EFEMP2: variants seen among roughly 807,000 people sequenced by gnomAD.
EFEMP2 encodes EGF-like fibulin extracellular matrix protein 2.
In EFEMP2, 21 loss-of-function variants were observed where a neutral mutation model predicts 55.3. The ratio of observed to expected loss-of-function variants is 0.38; its 90% CI spans 0.27 to 0.55. The LOEUF is 0.55. Ranked by LOEUF, EFEMP2 falls within the 20% of genes least tolerant of loss-of-function variation. The probability of loss-of-function intolerance (pLI) is 0.77; values close to 1 mark genes in which losing one functional copy is unlikely to be tolerated. For missense variants in EFEMP2, 513 were observed against 615.1 expected (o/e 0.83, Z 1.76); for synonymous variants, 275 against 242.3 (o/e 1.14, Z -1.25).
In EFEMP2 at chr11:65,867,850, A is replaced by G. The variant is rs934743703; in HGVS notation, c.1170+11T>C. ...ATTGTGCATGTCAGTTGAGGGTTGC[A>G]GAAACCTTACCCTAATGTAAAAGTC... On this transcript the variant is annotated intron_variant, in intron 10 of 10. Coordinates refer to ENST00000307998, the MANE Select transcript of EFEMP2 (RefSeq NM_016938.5). 4 of 1,613,910 alleles carry G rather than the reference A, an allele frequency of 2.5e-6. No homozygotes were observed. Among genetic ancestry groups the G allele is most frequent in the Non-Finnish European group, 3.4e-6 (4 of 1,179,892 alleles).
chr11:65,867,650 C>T, intron 10 of EFEMP2: 1 of 627,586 alleles, frequency 1.6e-6, no homozygotes, highest in Non-Finnish European at 2.8e-6. Flanking sequence ...TACCAGGACT[C>T]AAACTCCCGT....
Position 65,870,250 on chromosome 11 carries a change from G to T in EFEMP2, c.491-13C>A. On this transcript the variant is annotated splice_polypyrimidine_tract_variant and intron_variant, in intron 5 of 10. Transcript: ENST00000307998. ...CACTCGTCTATGTCTAGGGATAGAG[G>T]CAGGAGAAGGAGGGCGGAGGGCAGA... 1 of 1,612,024 alleles carries T rather than the reference G, an allele frequency of 6.2e-7. No individual in the cohort carries two copies. The highest frequency in any genetic ancestry group is 8.5e-7 in the Non-Finnish European group (1 of 1,179,074).
chr11:65,869,654 A>G, intron 7 of EFEMP2: 1 of 707,312 alleles, frequency 1.4e-6, no homozygotes, highest in Non-Finnish European at 2.4e-6. Flanking sequence ...AGGCTTCAGT[A>G]AGGACGTAGC....
At chr11:65,867,744 G>A (rs1458958433) in intron 10 of EFEMP2, 117 bp downstream of exon 10, 4 of 1,149,916 alleles carry the variant, frequency 3.5e-6, no homozygotes, top group African/African-American at 1.5e-5. Flanking sequence ...CCCCGCCTCC[G>A]GGGGCGGGGC....
At chr11:65,871,725 C>T (rs1357146756) in intron 3 of EFEMP2, 1 of 607,772 alleles carries the variant, frequency 1.6e-6, no homozygotes, top group Non-Finnish European at 2.9e-6. Flanking sequence ...TCAGAGAAGG[C>T]GTACAGGATC....
At chr11:65,872,202 C>T in intron 2 of EFEMP2, 42 bp downstream of exon 2, 1 of 1,533,962 alleles carries the variant, frequency 6.5e-7, no homozygotes, top group East Asian at 2.4e-5. Context: ...CTCTTCCTCC[C>T]TACCCTTCCT....
rs571136328 is a variant in EFEMP2 at position 65,869,420 on chromosome 11, G to T, written c.727+437C>A. ...GTCAGGGAATACACTACGAGGGCAG[G>T]TTCTCATTAAGTGGCAGTTCATTCA... On this transcript the variant is annotated intron_variant, in intron 7 of 10. Transcript: ENST00000307998. The T allele has an allele frequency of 6.7e-5, 18 of 268,744 alleles. No individual in the cohort carries two copies. The East Asian group carries it at 1.6e-3, about 24-fold the overall frequency. The allele number at this position is 268,744 out of a possible 1,614,324, so 16.6% of individuals were successfully genotyped here.
At chr11:65,867,489 GTCACTGTGAGCAGC>G (rs961226707) in intron 10 of EFEMP2, 8 of 429,834 alleles carry the variant, frequency 1.9e-5, no homozygotes, top group African/African-American at 1.0e-4. Flanking sequence ...GCGGCTGCCA[GTCACTGTGAGCAGC>G]TCACTGTGAG....
At chr11:65,871,907 G>C in intron 3 of EFEMP2, 63 bp downstream of exon 3, 1 of 1,543,520 alleles carries the variant, frequency 6.5e-7, no homozygotes, top group Non-Finnish European at 8.8e-7. Context: ...GCTGTCCCTT[G>C]GAAAGCAGCT....
intron 7 of EFEMP2, chr11:65,869,059 C>T: frequency 3.4e-6 from 1 of 290,320 alleles, no homozygotes; most frequent in Non-Finnish European, 6.7e-6. Flanking sequence ...GCTTCACAGG[C>T]AGAACATTTC....
rs1301890143 is a variant in EFEMP2, at chr11:65,866,841, T to C, written c.*77A>G. On this transcript the variant is annotated 3_prime_UTR_variant, in exon 11 of 11. Transcript: ENST00000307998. ...CACCAGGACTTTCTTTCTCCCTTTA[T>C]TGCCTTTCTCATTCTGCCCCTCACA... 2 of 1,566,816 alleles carry C rather than the reference T, an allele frequency of 1.3e-6. No homozygotes were observed. The highest frequency in any genetic ancestry group is 8.8e-7 in the Non-Finnish European group (1 of 1,142,268).
At chr11:65,867,453 C>A in intron 10 of EFEMP2, 1 of 427,936 alleles carries the variant, frequency 2.3e-6, no homozygotes, top group Non-Finnish European at 4.4e-6. Flanking sequence ...CTAGACAAAC[C>A]CCTTCTCCTG....
intron 7 of EFEMP2, chr11:65,869,443 T>C (rs984799074): frequency 1.2e-4 from 34 of 278,406 alleles, no homozygotes; most frequent in Non-Finnish European, 1.9e-4. Context: ...GGCAGTTCAT[T>C]CACTTTAAAG....
At chr11:65,872,097 T>C (rs1859973845) in intron 2 of EFEMP2, 79 bp from the exon 3 acceptor site, 2 of 1,538,810 alleles carry the variant, frequency 1.3e-6, no homozygotes, top group African/African-American at 1.4e-5. Flanking sequence ...GGCCTGAGCC[T>C]GGCCACCCTC....
chr11:65,871,410 C>A (rs368646160), intron 3 of EFEMP2, 47 bp from the exon 4 acceptor site: 1 of 1,590,988 alleles, frequency 6.3e-7, no homozygotes, highest in African/African-American at 1.3e-5. Context: ...TGGGCTGGCC[C>A]TGGAGGGAGC....
Position 65,872,339 on chromosome 11 carries a change from A to T in EFEMP2, c.16T>A (p.Ser6Thr). The change falls in exon 2 of 11, where the codon TCC becomes ACC. Residue 6 changes from serine (S) to threonine (T), a missense_variant. Ser to Thr is a moderately conservative substitution (Grantham distance 58, BLOSUM62 1). Transcript: ENST00000307998. ...AGCAGTAGAGACCCGGGTAGGCAGG[A>T]GGCGCAGGGGAGCATCCTGGGGCTG... Reference protein sequence around the residue: MLPCASCLPGSLLLWA... With the variant: MLPCATCLPGSLLLWA... 6.4e-7 allele frequency: 1 copy of T among 1,551,462 alleles called. No individual in the cohort carries two copies. Among genetic ancestry groups the T allele is most frequent in the Non-Finnish European group, 8.7e-7 (1 of 1,146,944 alleles).
chr11:65,869,511 A>C, intron 7 of EFEMP2: 1 of 367,612 alleles, frequency 2.7e-6, no homozygotes. Flanking sequence ...AATCCTCAAG[A>C]CAACCCATTT....
intron 10 of EFEMP2, 104 bp from the exon 11 acceptor site, chr11:65,867,183 A>G: frequency 1.4e-6 from 2 of 1,436,412 alleles, no homozygotes; most frequent in Non-Finnish European, 1.9e-6. Flanking sequence ...GCAGAGGAAC[A>G]GCCCTGGCCA....
At chr11:65,872,108 C>A in intron 2 of EFEMP2, 90 bp from the exon 3 acceptor site, 2 of 1,525,008 alleles carry the variant, frequency 1.3e-6, no homozygotes, top group Non-Finnish European at 1.8e-6. Context: ...GGCCACCCTC[C>A]GGCCTGCTCC....
Sources: gnomAD v4.1 joint callset for allele counts on GRCh38, gnomAD v4.1.1 for gene constraint, MANE v1.5 for transcripts, NCBI Gene and HGNC (gene_info 2026-07-23, HGNC 2026-07-21) for gene names.